The following METTL2B variants were observed in gnomAD, a reference collection of about 807,000 sequenced individuals.
METTL2B encodes the protein methyltransferase 2B, tRNA N3-cytidine, also known as tRNA N(3)-cytidine methyltransferase METTL2B.
In METTL2B, 28 loss-of-function variants were observed where a neutral mutation model predicts 51.0. That is an observed-to-expected ratio of 0.55 (90% CI 0.41 to 0.75). METTL2B has a LOEUF of 0.75. Among genes scored for constraint, METTL2B ranks in the 30% least tolerant of loss-of-function variants. METTL2B has a pLI of 0.00. For synonymous variants in METTL2B, 128 were observed against 166.3 expected, an observed-to-expected ratio of 0.77 and a Z score of 1.77; for missense variants, 313 against 460.7, an observed-to-expected ratio of 0.68 and a Z score of 2.93.
rs1793077150 is a variant in METTL2B at position 128,504,056 on chromosome 7, A to G, written c.*2140A>G. 1 of 152,212 alleles carries G rather than the reference A, an allele frequency of 6.6e-6. No homozygotes were observed. Among genetic ancestry groups the G allele is most frequent in the South Asian group, 2.1e-4 (1 of 4,834 alleles). The allele number at this position is 152,212 out of a possible 1,614,324, so 9.4% of individuals were successfully genotyped here. ...ATGTTTTTCTAAATTTTGGAATAAT[A>G]AATTTATATAGGAATACTGCAAGAA... is the stretch of plus-strand genomic sequence containing the variant. On this transcript the variant is annotated 3_prime_UTR_variant, in exon 9 of 9. Coordinates refer to ENST00000262432, the MANE Select transcript of METTL2B (RefSeq NM_018396.3).
At position 128,486,091 on chromosome 7, in the gene METTL2B, C is replaced by T. The variant is rs185135053; in HGVS notation, c.609-2010C>T. The stretch of plus-strand genomic sequence containing the variant: ...GGTAGATCACCTGAGGTCAGGAGTT[C>T]GAGCCCAGCCTGGCCAACATGGCGA... On this transcript the variant is annotated intron_variant, in intron 4 of 8. Coordinates refer to ENST00000262432, the MANE Select transcript of METTL2B (RefSeq NM_018396.3). Among the ~76,000 whole-genome samples, 623 of 151,876 alleles carry T rather than the reference C, an allele frequency of 4.1e-3. 4 individuals carry two copies. The highest frequency in any genetic ancestry group is 0.014 in the African/African-American group (586 of 41,398).
Position 128,501,887 on chromosome 7 carries a change from T to C in METTL2B, c.1108T>C (p.Cys370Arg), listed in dbSNP as rs1221197189. 39 of 1,614,176 alleles carry C rather than the reference T, an allele frequency of 2.4e-5. No homozygotes were observed. Among genetic ancestry groups the C allele is most frequent in the Non-Finnish European group, 3.2e-5 (38 of 1,180,028 alleles). ...CCGGGTTTGGATTCAGTGCAAATAC[T>C]GCAAGCCCCTTCTGTCCAGCACCAG... ...MYRVWIQCKYCKPLLSSTS is the reference protein window; with the variant it reads ...MYRVWIQCKYRKPLLSSTS Residue 370 changes from cysteine (C) to arginine (R), a missense_variant, in exon 9 of 9, where the codon TGC becomes CGC. By Grantham distance (180) the Cys-to-Arg change is radical (BLOSUM62 -3). Transcript: ENST00000262432.
At position 128,477,163 on chromosome 7, in the gene METTL2B, G is replaced by A. The variant is rs1348843651; in HGVS notation, c.192G>A (p.Gln64=). 5.6e-6 allele frequency: 9 copies of A among 1,613,806 alleles called. No homozygotes were observed. Among genetic ancestry groups the A allele is most frequent in the Non-Finnish European group, 7.6e-6 (9 of 1,179,884 alleles). ...AGAACAGTATCCAGCGGGTGTGCCA[G>A]GAGAAACAAGGTGCGCTTAAATGGG... ...VQENSIQRVC[Q]EKQVDYEINA... Residue 64 remains glutamine, a synonymous_variant, in exon 2 of 9, where the codon CAG becomes CAA. Coordinates refer to ENST00000262432, the MANE Select transcript of METTL2B (RefSeq NM_018396.3).
chr7:128,499,613 G>A (rs978207368), intron 7 of METTL2B, among the ~76,000 whole-genome samples: 1 of 149,020 alleles, frequency 6.7e-6, no homozygotes, highest in Non-Finnish European at 1.5e-5. Context: ...CTGTCTCTTG[G>A]GTTCAAGCAA....
intron 5 of METTL2B, among the ~76,000 whole-genome samples, chr7:128,491,594 CAAAA>C (rs199737741): frequency 7.5e-6 from 1 of 133,104 alleles, no homozygotes. Flanking sequence ...AACTCTATCT[CAAAA>C]AAAAAAAAAA....
intron 1 of METTL2B, 47 bp downstream of exon 1, chr7:128,476,922 C>T (rs1163135597): frequency 1.2e-6 from 2 of 1,609,360 alleles, no homozygotes; most frequent in South Asian, 1.1e-5. Context: ...CCGTCTGTCC[C>T]GCCGCCTCGG....
At chr7:128,481,235 C>T (rs1022145415) in intron 4 of METTL2B, among the ~76,000 whole-genome samples, 1 of 152,186 alleles carries the variant, frequency 6.6e-6, no homozygotes, top group Non-Finnish European at 1.5e-5. Context: ...AGGGTTTTTG[C>T]CAACACTGAC....
chr7:128,484,976 C>T (rs1792673226), intron 4 of METTL2B, among the ~76,000 whole-genome samples: 1 of 152,116 alleles, frequency 6.6e-6, no homozygotes, highest in Non-Finnish European at 1.5e-5. Flanking sequence ...AATCCCTATA[C>T]CCATTAGCAG....
intron 7 of METTL2B, among the ~76,000 whole-genome samples, chr7:128,499,838 T>C (rs765986606): frequency 1.5e-4 from 23 of 152,278 alleles, no homozygotes; most frequent in Non-Finnish European, 2.8e-4. Context: ...TTTTTTTAAG[T>C]ACCCAATTAT....
chr7:128,497,727 C>G lies in METTL2B; in HGVS notation c.810-309C>G, dbSNP rs185035215. 6.0e-3 allele frequency among the ~76,000 whole-genome samples: 902 copies of G among 150,452 alleles called. 6 individuals carry two copies. Among genetic ancestry groups the G allele is most frequent in the Non-Finnish European group, 8.4e-3 (570 of 67,758 alleles). On this transcript the variant is annotated intron_variant, in intron 6 of 8. Coordinates refer to ENST00000262432, the MANE Select transcript of METTL2B (RefSeq NM_018396.3). ...CAAACTCCTGACCTCATTTGATCCG[C>G]CTGCCTCAGCCTCCCAAAATGGTGG...
At chr7:128,482,638 A>T (rs768565448) in intron 4 of METTL2B, among the ~76,000 whole-genome samples, 1 of 152,198 alleles carries the variant, frequency 6.6e-6, no homozygotes, top group Non-Finnish European at 1.5e-5. Flanking sequence ...GGTTCAAGCG[A>T]TTCTCCTGCC....
intron 4 of METTL2B, chr7:128,482,998 A>G (rs1799891647): frequency 6.6e-6 from 1 of 152,204 alleles, no homozygotes; most frequent in South Asian, 2.1e-4. Context: ...ACTAATATAC[A>G]TTTAAATATT....
intron 8 of METTL2B, chr7:128,501,321 G>A: frequency 1.0e-6 from 1 of 985,432 alleles, no homozygotes; most frequent in Non-Finnish European, 1.2e-6. Flanking sequence ...TGAACCCTGG[G>A]TTCTAGGGGT....
At chr7:128,478,693 G>A (rs62481134) in intron 2 of METTL2B, among the ~76,000 whole-genome samples, 1 of 145,968 alleles carries the variant, frequency 6.9e-6, no homozygotes, top group African/African-American at 2.5e-5. Flanking sequence ...GTGAAACCCC[G>A]TCTGTACTAA....
chr7:128,499,178 AG>A (rs1792980337), intron 7 of METTL2B, among the ~76,000 whole-genome samples: 1 of 152,250 alleles, frequency 6.6e-6, no homozygotes, highest in African/African-American at 2.4e-5. Flanking sequence ...GATAAGGATC[AG>A]TGACCCACCC....
Position 128,501,838 on chromosome 7 carries a change from C to T in METTL2B, c.1059C>T (p.Asn353=), listed in dbSNP as rs778757103. The T allele has an allele frequency of 6.2e-6, 10 of 1,614,196 alleles. No individual in the cohort carries two copies. The South Asian group carries it at 1.1e-4, about 18-fold the overall frequency. ...TGGTGGACCGCCGACTGCAGGTGAA[C>T]CGAGGGAAGCAACTGACAATGTACC... ...QNLVDRRLQV[N]RGKQLTMYRV... The change falls in exon 9 of 9, where the codon AAC becomes AAT. Residue 353 remains asparagine, a synonymous_variant. Transcript: ENST00000262432.
intron 5 of METTL2B, among the ~76,000 whole-genome samples, chr7:128,493,385 T>A (rs1007362617): frequency 6.6e-6 from 1 of 152,096 alleles, no homozygotes; most frequent in Non-Finnish European, 1.5e-5. Context: ...GCTAATTTTG[T>A]ATTTTTAGTA....
chr7:128,502,904 A>C lies in METTL2B; in HGVS notation c.*988A>C. 5.1e-6 allele frequency: 1 copy of C among 196,528 alleles called. No homozygotes were observed. 12.2% of individuals were successfully genotyped at this position (196,528 alleles called of 1,614,324 possible). ...CAAAGCAAGACTCTGTCTCAAAAAA[A>C]TAAAAATAAAAAAAATCTTAGTTCC... is the stretch of plus-strand genomic sequence containing the variant. On this transcript the variant is annotated 3_prime_UTR_variant, in exon 9 of 9. Transcript: ENST00000262432.
At chr7:128,486,019 C>T (rs557480420) in intron 4 of METTL2B, among the ~76,000 whole-genome samples, 2 of 152,224 alleles carry the variant, frequency 1.3e-5, no homozygotes, top group East Asian at 1.9e-4. Context: ...ACAGGCCGGG[C>T]GTGGTGGCTC....
Sources: allele counts gnomAD v4.1 joint callset (sites outside exome capture counted in the v4.1 genomes callset), GRCh38; gene constraint gnomAD v4.1.1; transcripts MANE v1.5; gene names NCBI Gene and HGNC (gene_info 2026-07-23, HGNC 2026-07-21).